Variants in LAMA1 observed in about 807,000 individuals in gnomAD.
The protein encoded by LAMA1 is laminin subunit alpha-1.
A neutral mutation model predicts 348.7 loss-of-function variants in LAMA1; 219 were observed. That is an observed-to-expected ratio of 0.63 (90% confidence interval 0.56 to 0.70). The LOEUF (loss-of-function observed/expected upper bound fraction) is 0.70. LAMA1 is among the 30% of genes least tolerant of loss of function. The probability of loss-of-function intolerance (pLI) is 0.00; values close to 1 mark genes in which losing one functional copy is unlikely to be tolerated. For synonymous variants in LAMA1, 1,487 were observed against 1,491.0 expected (o/e 1.00, Z 0.06); for missense variants, 3,744 against 3,888.0 (o/e 0.96, Z 0.99).
intron 3 of LAMA1, among the ~76,000 whole-genome samples, chr18:7,064,639 G>C (rs2058115248): frequency 6.6e-6 from 1 of 152,138 alleles, no homozygotes. Context: ...CCCATTTCTT[G>C]CCTGGCTCAG....
chr18:7,015,915 G>T, intron 21 of LAMA1, 57 bp from the exon 22 acceptor site: 1 of 1,598,028 alleles, frequency 6.3e-7, no homozygotes, highest in Non-Finnish European at 8.6e-7. Context: ...AAAGGGCTAA[G>T]AGCTGATGCT....
In LAMA1 at chr18:6,992,541, C is replaced by T; in HGVS notation, c.5168+20G>A. 2.5e-6 allele frequency: 4 copies of T among 1,613,472 alleles called. No homozygotes were observed. Among genetic ancestry groups the T allele is most frequent in the Middle Eastern group, 1.7e-4 (1 of 6,060 alleles). On this transcript the variant is annotated intron_variant, in intron 36 of 62. Coordinates refer to ENST00000389658, the MANE Select transcript of LAMA1 (RefSeq NM_005559.4). The stretch of plus-strand genomic sequence containing the variant: ...TCTCTCTCTACTTGGTTGCATTGCA[C>T]ACAGTAATTAGAAACTTACTTGAGT...
chr18:7,034,301 T>G (rs964569491), intron 14 of LAMA1, among the ~76,000 whole-genome samples, 178 bp downstream of exon 14: 5 of 152,356 alleles, frequency 3.3e-5, no homozygotes, highest in African/African-American at 1.2e-4. Context: ...ATAACTGTTC[T>G]TACGTTTTCA....
chr18:7,034,034 C>A (rs767125380), intron 14 of LAMA1, among the ~76,000 whole-genome samples: 1 of 152,178 alleles, frequency 6.6e-6, no homozygotes, highest in Non-Finnish European at 1.5e-5. Flanking sequence ...CCATGCCCAG[C>A]CTAGCTGCAT....
chr18:7,015,820 C>T lies in LAMA1; in HGVS notation c.3028G>A (p.Glu1010Lys). The change falls in exon 22 of 63, where the codon GAA (glutamate) becomes AAA (lysine). Residue 1010 changes from glutamate (E) to lysine (K), a missense_variant. Coordinates refer to ENST00000389658, the MANE Select transcript of LAMA1 (RefSeq NM_005559.4). ...CPHTQNTCDP[E>K]TGECVCPPHT... The stretch of plus-strand genomic sequence containing the variant: ...GGGGGGCAGACACACTCTCCAGTTT[C>T]TGGGTCGCAGGTATTCTGAGTGTGT... 6.2e-7 allele frequency: 1 copy of T among 1,614,124 alleles called. No individual in the cohort carries two copies. Among genetic ancestry groups the T allele is most frequent in the South Asian group, 1.1e-5 (1 of 91,084 alleles).
chr18:6,997,081 C>T (rs4798525), intron 33 of LAMA1, among the ~76,000 whole-genome samples: 121,227 of 149,940 alleles, frequency 0.81, 48,542 homozygotes, highest in East Asian at 0.89. Flanking sequence ...TTTTCTTTTT[C>T]TGAGATGGAG....
At position 6,956,872 on chromosome 18, in the gene LAMA1, T is replaced by C. The variant is rs189963914; in HGVS notation, c.7965-107A>G. On this transcript the variant is annotated intron_variant, in intron 55 of 62. Transcript: ENST00000389658. ...ATGAAAATCAATTAAAAACCATGTA[T>C]ATATTTCTCTTAGAGTAACCAAAGT... 2.7e-5 allele frequency: 35 copies of C among 1,277,592 alleles called. No individual in the cohort carries two copies. The East Asian group carries it at 8.0e-4, about 29-fold the overall frequency. The allele number at this position is 1,277,592 out of a possible 1,614,324, so 79.1% of individuals were successfully genotyped here.
At chr18:6,992,334 A>G (rs934350180) in intron 36 of LAMA1, among the ~76,000 whole-genome samples, 1 of 152,254 alleles carries the variant, frequency 6.6e-6, no homozygotes, top group Non-Finnish European at 1.5e-5. Flanking sequence ...CTACCGCATG[A>G]TAGCACAAAG....
At position 7,098,686 on chromosome 18, in the gene LAMA1, C is replaced by G. The variant is rs1252572419; in HGVS notation, c.62-18229G>C. Among the ~76,000 whole-genome samples the G allele has an allele frequency of 2.7e-5, 4 of 148,088 alleles. No individual in the cohort carries two copies. The East Asian group carries it at 6.2e-4, about 23-fold the overall frequency. On this transcript the variant is annotated intron_variant, in intron 1 of 62. Coordinates refer to ENST00000389658, the MANE Select transcript of LAMA1 (RefSeq NM_005559.4). ...CAGTCTGGGAAGTGAGGAGCGTCTCCGCCCGGCAGCCACCCCATCCGGGAG... is the reference window on the plus strand; with the variant it reads ...CAGTCTGGGAAGTGAGGAGCGTCTCGGCCCGGCAGCCACCCCATCCGGGAG...
intron 36 of LAMA1, among the ~76,000 whole-genome samples, chr18:6,988,960 T>C (rs1332604403): frequency 6.6e-6 from 1 of 152,186 alleles, no homozygotes; most frequent in Non-Finnish European, 1.5e-5. Context: ...AAAGGCCTGC[T>C]GGCGAGGTGG....
At chr18:6,970,222 A>G (rs2057651953) in intron 48 of LAMA1, among the ~76,000 whole-genome samples, 2 of 152,198 alleles carry the variant, frequency 1.3e-5, no homozygotes, top group Non-Finnish European at 2.9e-5. Context: ...CTCACGAGGC[A>G]ACAGCATTTT....
At position 6,999,636 on chromosome 18, in the gene LAMA1, C is replaced by G; in HGVS notation, c.4472G>C (p.Cys1491Ser). ...AGGGTTCCCATAATAGCTTGAGGAG[C>G]ACCTACAGAAAGGAAGGGACATAGG... is the stretch of plus-strand genomic sequence containing the variant. ...LGYEGKHCER[C>S]SSSYYGNPQT... The change falls in exon 32 of 63, where the codon TGC (cysteine) becomes TCC (serine). Residue 1491 changes from cysteine (C) to serine (S), a missense_variant and splice_region_variant. Transcript: ENST00000389658. 1 of 1,609,038 alleles carries G rather than the reference C, an allele frequency of 6.2e-7. No homozygotes were observed. The highest frequency in any genetic ancestry group is 8.5e-7 in the Non-Finnish European group (1 of 1,177,688).
chr18:7,023,510 C>A, intron 18 of LAMA1, 135 bp from the exon 19 acceptor site: 3 of 775,456 alleles, frequency 3.9e-6, no homozygotes, highest in Non-Finnish European at 6.6e-6. Context: ...AGGGATATGA[C>A]TCCCCACTCG....
chr18:7,117,288 G>C (rs895433073), intron 1 of LAMA1, among the ~76,000 whole-genome samples: 2 of 151,588 alleles, frequency 1.3e-5, no homozygotes, highest in East Asian at 3.9e-4. Flanking sequence ...CGCAGCCGGG[G>C]CACTAAAAGC....
At chr18:7,021,346 G>A (rs1441358931) in intron 19 of LAMA1, among the ~76,000 whole-genome samples, 3 of 152,152 alleles carry the variant, frequency 2.0e-5, no homozygotes, top group African/African-American at 7.2e-5. Context: ...TGATGCAAGC[G>A]AAGAACCAAA....
chr18:7,067,136 G>C (rs2058125977), intron 3 of LAMA1, among the ~76,000 whole-genome samples: 1 of 152,170 alleles, frequency 6.6e-6, no homozygotes, highest in African/African-American at 2.4e-5. Flanking sequence ...TAGAACTCTG[G>C]ACACAGGATA....
intron 13 of LAMA1, 71 bp downstream of exon 13, chr18:7,035,916 A>T: frequency 1.5e-6 from 2 of 1,306,700 alleles, no homozygotes; most frequent in Non-Finnish European, 2.2e-6. Context: ...CTCACCTAGT[A>T]ACTTTCAGTC....
At chr18:6,973,803 C>T (rs537967993) in intron 46 of LAMA1, among the ~76,000 whole-genome samples, 2 of 152,298 alleles carry the variant, frequency 1.3e-5, no homozygotes, top group African/African-American at 2.4e-5. Flanking sequence ...TTATTAGAGG[C>T]AGGGTCTTGC....
At chr18:7,001,374 CAT>C (rs2057807036) in intron 30 of LAMA1, among the ~76,000 whole-genome samples, 4 of 152,156 alleles carry the variant, frequency 2.6e-5, no homozygotes, top group South Asian at 2.1e-4. Flanking sequence ...TTTACACACA[CAT>C]GCAAGTATTT....
Sources: allele counts gnomAD v4.1 joint callset (sites outside exome capture counted in the v4.1 genomes callset), GRCh38; gene constraint gnomAD v4.1.1; transcripts MANE v1.5; gene names NCBI Gene and HGNC (gene_info 2026-07-23, HGNC 2026-07-21).